Variants in TAFA2 observed in about 807,000 individuals in gnomAD.
TAFA2 encodes the protein TAFA chemokine like family member 2.
In TAFA2, 7 loss-of-function variants were observed where a neutral mutation model predicts 18.8. The observed-to-expected ratio is 0.37, with a 90% CI of 0.21 to 0.70. The LOEUF (loss-of-function observed/expected upper bound fraction) is 0.70, where lower values mean the gene tolerates loss of function less well. Ranked by LOEUF, TAFA2 falls within the 30% of genes least tolerant of loss-of-function variation. The pLI, the probability that TAFA2 is intolerant of heterozygous loss-of-function variation, is 0.53. For missense variants in TAFA2, 122 were observed against 158.1 expected (o/e 0.77, Z 1.23); for synonymous variants, 60 against 54.2 (o/e 1.11, Z -0.47).
At chr12:62,254,773 T>C (rs560577428) in intron 1 of TAFA2, among the ~76,000 whole-genome samples, 70 of 152,360 alleles carry the variant, frequency 4.6e-4, no homozygotes, top group Non-Finnish European at 8.5e-4. Context: ...AATACCTATT[T>C]AATGTTTCCA....
chr12:61,833,841 C>T lies in TAFA2; in HGVS notation c.106+33479G>A, dbSNP rs755314948. Among the ~76,000 whole-genome samples, 13 of 151,964 alleles carry T rather than the reference C, an allele frequency of 8.6e-5. No individual in the cohort carries two copies. In the Middle Eastern group the frequency reaches 0.014, roughly 159 times the overall value. The stretch of plus-strand genomic sequence containing the variant: ...TATGCTTTTGTACTCCATCTATAGC[C>T]CCAGATTTGATTATCTCAAACCTGA... On this transcript the variant is annotated intron_variant, in intron 2 of 4. Coordinates refer to ENST00000416284, the MANE Select transcript of TAFA2 (RefSeq NM_178539.5).
At chr12:62,094,252 T>C (rs892483345) in intron 1 of TAFA2, among the ~76,000 whole-genome samples, 12 of 152,060 alleles carry the variant, frequency 7.9e-5, no homozygotes, top group African/African-American at 1.4e-4. Context: ...AAATATTGTG[T>C]GTTCTCACTT....
chr12:62,032,478 C>G (rs1223096362), intron 1 of TAFA2, among the ~76,000 whole-genome samples: 1 of 152,080 alleles, frequency 6.6e-6, no homozygotes, highest in Non-Finnish European at 1.5e-5. Flanking sequence ...TATGTTTGTA[C>G]TAATAATTGT....
intron 1 of TAFA2, among the ~76,000 whole-genome samples, chr12:62,202,201 TG>T (rs2062673966): frequency 6.6e-6 from 1 of 152,122 alleles, no homozygotes. Flanking sequence ...CTGGATTAGC[TG>T]ATTTTTTAAG....
At chr12:62,235,062 G>A (rs1367234127) in intron 1 of TAFA2, 1 of 625,620 alleles carries the variant, frequency 1.6e-6, no homozygotes, top group Non-Finnish European at 3.1e-6. Flanking sequence ...AGTGGAAGCT[G>A]AGACTGGCAG....
At chr12:62,251,548 C>T (rs1361537832) in intron 1 of TAFA2, among the ~76,000 whole-genome samples, 1 of 152,198 alleles carries the variant, frequency 6.6e-6, no homozygotes. Context: ...GCCCTGAAAG[C>T]AGACTCTGAG....
At chr12:61,715,738 C>G (rs1592339906) in intron 4 of TAFA2, among the ~76,000 whole-genome samples, 2 of 105,362 alleles carry the variant, frequency 1.9e-5, no homozygotes, top group African/African-American at 7.6e-5. Context: ...CAAGACCCCT[C>G]AAGACTCTAC....
intron 2 of TAFA2, among the ~76,000 whole-genome samples, chr12:61,795,263 A>G (rs569309265): frequency 6.6e-6 from 1 of 152,322 alleles, no homozygotes; most frequent in Admixed American, 6.5e-5. Flanking sequence ...TCATGCTGCT[A>G]TAAAGACACA....
At chr12:62,168,313 C>G (rs753580244) in intron 1 of TAFA2, among the ~76,000 whole-genome samples, 3 of 152,128 alleles carry the variant, frequency 2.0e-5, no homozygotes, top group Admixed American at 6.6e-5. Context: ...TATACACCAC[C>G]ACCTATGAAA....
chr12:62,236,017 A>T (rs2062835551), intron 1 of TAFA2, among the ~76,000 whole-genome samples: 1 of 152,060 alleles, frequency 6.6e-6, no homozygotes, highest in South Asian at 2.1e-4. Flanking sequence ...GGAAAACCTA[A>T]AAGTCTCTAC....
At chr12:61,755,443 A>C (rs1006210503) in intron 2 of TAFA2, among the ~76,000 whole-genome samples, 1 of 152,116 alleles carries the variant, frequency 6.6e-6, no homozygotes, top group African/African-American at 2.4e-5. Flanking sequence ...TTGCTGATAA[A>C]GCTTGTGTTC....
chr12:62,013,264 A>C (rs1880827425), intron 1 of TAFA2, among the ~76,000 whole-genome samples: 1 of 152,216 alleles, frequency 6.6e-6, no homozygotes, highest in Non-Finnish European at 1.5e-5. Context: ...TATTTACCAT[A>C]AGGGCAGCAC....
At chr12:62,214,267 G>A (rs961897194) in intron 1 of TAFA2, among the ~76,000 whole-genome samples, 2 of 152,118 alleles carry the variant, frequency 1.3e-5, no homozygotes, top group African/African-American at 4.8e-5. Flanking sequence ...ATTGAATTAC[G>A]GGGGCAGTTC....
At chr12:61,954,191 T>C (rs1360472580) in intron 1 of TAFA2, among the ~76,000 whole-genome samples, 1 of 152,146 alleles carries the variant, frequency 6.6e-6, no homozygotes, top group East Asian at 1.9e-4. Context: ...GTACACATCA[T>C]TTAGCTCCCA....
intron 1 of TAFA2, among the ~76,000 whole-genome samples, chr12:62,025,813 C>T (rs980635745): frequency 2.0e-5 from 3 of 152,050 alleles, no homozygotes; most frequent in East Asian, 1.9e-4. Flanking sequence ...TTGCAAATTG[C>T]TTGCCCCATC....
At chr12:62,169,885 A>G (rs2136939548) in intron 1 of TAFA2, among the ~76,000 whole-genome samples, 1 of 151,962 alleles carries the variant, frequency 6.6e-6, no homozygotes, top group African/African-American at 2.4e-5. Context: ...GTTTTAAAAT[A>G]AATAGCAGGT....
chr12:62,157,750 C>T (rs1303832826), intron 1 of TAFA2, among the ~76,000 whole-genome samples: 1 of 152,194 alleles, frequency 6.6e-6, no homozygotes, highest in African/African-American at 2.4e-5. Flanking sequence ...CCCCTCCTTC[C>T]CTAAACGAGT....
At chr12:62,091,579 G>C (rs980021764) in intron 1 of TAFA2, among the ~76,000 whole-genome samples, 2 of 151,892 alleles carry the variant, frequency 1.3e-5, no homozygotes, top group African/African-American at 4.8e-5. Context: ...GTAGCAGCTA[G>C]AACATCACAA....
chr12:62,095,522 T>C (rs769660722), intron 1 of TAFA2, among the ~76,000 whole-genome samples: 47 of 152,110 alleles, frequency 3.1e-4, no homozygotes, highest in Non-Finnish European at 8.8e-5. Context: ...GAAATTAGTA[T>C]CTATATCTGA....
Sources: gnomAD v4.1 joint callset for allele counts (sites outside exome capture counted in the v4.1 genomes callset) on GRCh38, gnomAD v4.1.1 for gene constraint, MANE v1.5 for transcripts, NCBI Gene and HGNC (gene_info 2026-07-23, HGNC 2026-07-21) for gene names.